CHST11: variants seen among roughly 807,000 people sequenced by gnomAD.
CHST11 encodes C4S-1.
CHST11 carries 9 observed loss-of-function variants against 30.4 expected under a neutral mutation model. That is an observed-to-expected ratio of 0.30 (90% confidence interval 0.18 to 0.52). The LOEUF is 0.52. Ranked by LOEUF, CHST11 falls within the 20% of genes least tolerant of loss-of-function variation. CHST11 has a pLI of 0.97. For missense variants in CHST11, 348 were observed against 460.6 expected (o/e 0.76, Z 2.24); for synonymous variants, 152 against 187.8 (o/e 0.81, Z 1.56).
intron 2 of CHST11, among the ~76,000 whole-genome samples, chr12:104,680,660 A>C (rs1485837748): frequency 6.6e-6 from 1 of 152,198 alleles, no homozygotes; most frequent in Non-Finnish European, 1.5e-5. Flanking sequence ...AATGCTGTGC[A>C]CTCAGTAAAG....
intron 1 of CHST11, among the ~76,000 whole-genome samples, chr12:104,586,048 G>A (rs1162418259): frequency 2.6e-5 from 4 of 152,104 alleles, no homozygotes; most frequent in Non-Finnish European, 5.9e-5. Context: ...GTTCCCAGTG[G>A]ATATGTATTT....
rs573641189 is a variant in CHST11 at position 104,535,871 on chromosome 12, T to C, written c.119-66035T>C. ...AAAGAGATCATAACTCTGGATTCAA[T>C]GTGATAAAAAGCAGATTCATTCTAG... is the stretch of plus-strand genomic sequence containing the variant. On this transcript the variant is annotated intron_variant, in intron 1 of 2. Coordinates refer to ENST00000303694, the MANE Select transcript of CHST11 (RefSeq NM_018413.6). 5.1e-4 allele frequency among the ~76,000 whole-genome samples: 77 copies of C among 152,332 alleles called. 1 individual carries two copies. The highest frequency in any genetic ancestry group is 1.7e-3 in the African/African-American group (71 of 41,572).
intron 1 of CHST11, among the ~76,000 whole-genome samples, chr12:104,596,537 A>C (rs556471297): frequency 9.7e-4 from 148 of 151,982 alleles, no homozygotes; most frequent in Non-Finnish European, 1.9e-3. Context: ...GGTGAAGAGC[A>C]CCAGTGCTGG....
chr12:104,640,939 C>T (rs559927382), intron 2 of CHST11, among the ~76,000 whole-genome samples: 6 of 152,248 alleles, frequency 3.9e-5, no homozygotes, highest in East Asian at 1.9e-4. Flanking sequence ...TTGCCTGCCC[C>T]GACCCCCATC....
At chr12:104,542,277 C>G (rs968748779) in intron 1 of CHST11, among the ~76,000 whole-genome samples, 2 of 152,220 alleles carry the variant, frequency 1.3e-5, no homozygotes, top group African/African-American at 4.8e-5. Context: ...GAACTGAAAG[C>G]AGGGACTTGA....
chr12:104,606,182 G>GT (rs386377629), intron 2 of CHST11, among the ~76,000 whole-genome samples: 1 of 134,942 alleles, frequency 7.4e-6, no homozygotes, highest in Non-Finnish European at 1.6e-5. Context: ...GGGCGGGGGG[G>GT]GGAATGGCTC....
intron 1 of CHST11, among the ~76,000 whole-genome samples, chr12:104,583,165 C>A (rs114416071): frequency 2.0e-5 from 3 of 152,096 alleles, no homozygotes; most frequent in Admixed American, 1.3e-4. Context: ...TTCTTACTTT[C>A]TGGATAAAGA....
chr12:104,644,271 G>T (rs375788683), intron 2 of CHST11, among the ~76,000 whole-genome samples: 1 of 152,108 alleles, frequency 6.6e-6, no homozygotes, highest in Non-Finnish European at 1.5e-5. Flanking sequence ...GTGGACTCCC[G>T]CATGCACTTG....
At chr12:104,501,712 T>C (rs1422060995) in intron 1 of CHST11, among the ~76,000 whole-genome samples, 1 of 152,248 alleles carries the variant, frequency 6.6e-6, no homozygotes, top group Non-Finnish European at 1.5e-5. Flanking sequence ...TCATGAGTTA[T>C]GGTCTGCAAA....
intron 1 of CHST11, among the ~76,000 whole-genome samples, chr12:104,462,564 C>T (rs73382376): frequency 0.072 from 10,909 of 152,066 alleles, 892 homozygotes; most frequent in African/African-American, 0.21. Flanking sequence ...TTTAATGTTA[C>T]GTTACAGAAT....
chr12:104,741,610 A>G (rs934351982), intron 2 of CHST11, among the ~76,000 whole-genome samples: 2 of 152,084 alleles, frequency 1.3e-5, no homozygotes, highest in African/African-American at 2.4e-5. Flanking sequence ...CAGACCTCCA[A>G]TTTGCTTAAC....
intron 2 of CHST11, among the ~76,000 whole-genome samples, chr12:104,721,057 C>T (rs1592858060): frequency 6.6e-6 from 1 of 152,148 alleles, no homozygotes; most frequent in East Asian, 1.9e-4. Context: ...TCATGACTTC[C>T]CTGAGAAATG....
intron 2 of CHST11, among the ~76,000 whole-genome samples, chr12:104,616,553 C>T (rs1592795978): frequency 6.6e-6 from 1 of 151,854 alleles, no homozygotes; most frequent in South Asian, 2.1e-4. Flanking sequence ...GCAACCTCTG[C>T]CTCCCGGGTT....
chr12:104,658,917 C>T (rs2039571318), intron 2 of CHST11, among the ~76,000 whole-genome samples: 1 of 152,376 alleles, frequency 6.6e-6, no homozygotes, highest in Non-Finnish European at 1.5e-5. Flanking sequence ...CCCAAGGGCA[C>T]GCTGCTAGTA....
chr12:104,715,070 T>C (rs2040119834), intron 2 of CHST11, among the ~76,000 whole-genome samples: 2 of 152,002 alleles, frequency 1.3e-5, no homozygotes, highest in African/African-American at 4.8e-5. Flanking sequence ...TCCACATCTA[T>C]AAAATAAAGA....
intron 1 of CHST11, chr12:104,553,531 G>A (rs1211796578): frequency 6.5e-6 from 1 of 153,012 alleles, no homozygotes; most frequent in African/African-American, 2.5e-5. Context: ...ATGGCAGAAG[G>A]CGAAGGGGAA....
intron 1 of CHST11, among the ~76,000 whole-genome samples, chr12:104,550,951 G>A (rs548538775): frequency 2.0e-5 from 3 of 152,220 alleles, no homozygotes; most frequent in East Asian, 1.9e-4. Context: ...AAATCCTCAC[G>A]TCTGTAATTT....
intron 1 of CHST11, among the ~76,000 whole-genome samples, chr12:104,589,967 C>G (rs1266153850): frequency 6.6e-5 from 10 of 152,068 alleles, no homozygotes; most frequent in Non-Finnish European, 1.3e-4. Flanking sequence ...CAAGATGGCG[C>G]CACTGCACTC....
At chr12:104,610,197 T>A (rs886490055) in intron 2 of CHST11, among the ~76,000 whole-genome samples, 1 of 152,188 alleles carries the variant, frequency 6.6e-6, no homozygotes, top group African/African-American at 2.4e-5. Context: ...ATGTCTGTTA[T>A]ACTCCCAATG....
Sources: gnomAD v4.1 joint callset for allele counts (sites outside exome capture counted in the v4.1 genomes callset) on GRCh38, gnomAD v4.1.1 for gene constraint, MANE v1.5 for transcripts, NCBI Gene and HGNC (gene_info 2026-07-23, HGNC 2026-07-21) for gene names.